The following FAT3 variants were observed in gnomAD, a reference collection of about 807,000 sequenced individuals.
FAT3 encodes the protein protocadherin Fat 3.
FAT3 carries 95 observed loss-of-function variants against 310.2 expected under a neutral mutation model. The observed-to-expected ratio is 0.31, with a 90% CI of 0.26 to 0.36. The LOEUF is 0.36. FAT3 is among the 10% of genes least tolerant of loss of function. FAT3 has a pLI of 1.00. For synonymous variants in FAT3, 2,314 were observed against 2,192.9 expected, an observed-to-expected ratio of 1.06 and a Z score of -1.54; for missense variants, 5,408 against 5,715.6, an observed-to-expected ratio of 0.95 and a Z score of 1.74.
At chr11:92,255,685 G>A (rs969671011) in intron 1 of FAT3, among the ~76,000 whole-genome samples, 1 of 151,990 alleles carries the variant, frequency 6.6e-6, no homozygotes. Context: ...TCTGTGCCTC[G>A]GTGTCCTCTG....
At chr11:92,546,193 G>T (rs539386092) in intron 3 of FAT3, among the ~76,000 whole-genome samples, 4 of 152,164 alleles carry the variant, frequency 2.6e-5, no homozygotes, top group South Asian at 2.1e-4. Flanking sequence ...AAACTGTAGG[G>T]GTGGTGATAA....
chr11:92,531,030 G>A (rs1954050936), intron 3 of FAT3, among the ~76,000 whole-genome samples: 1 of 152,100 alleles, frequency 6.6e-6, no homozygotes, highest in African/African-American at 2.4e-5. Flanking sequence ...CTAATAAAAA[G>A]CTAAATTCTC....
intron 3 of FAT3, among the ~76,000 whole-genome samples, chr11:92,582,870 C>T (rs2135536878): frequency 6.6e-6 from 1 of 152,148 alleles, no homozygotes; most frequent in African/African-American, 2.4e-5. Context: ...GGATGGAACT[C>T]TTTTGAGCAC....
intron 4 of FAT3, among the ~76,000 whole-genome samples, chr11:92,724,276 A>G (rs2135981543): frequency 6.6e-6 from 1 of 152,246 alleles, no homozygotes; most frequent in East Asian, 1.9e-4. Context: ...CTCATCCTTT[A>G]GGTTGGCCAC....
Position 92,249,097 on chromosome 11 carries a change from GT to G in FAT3, c.-18+23925del, listed in dbSNP as rs200210142. Reference sequence around the variant, plus strand: ...ATAACATTTAAGGGTAAATTTTAAGGTTGGGGTGGCCATTTTAAAACACTTA... The same window carrying G: ...ATAACATTTAAGGGTAAATTTTAAGGTGGGGTGGCCATTTTAAAACACTTA... On this transcript the variant is annotated intron_variant, in intron 1 of 27. Coordinates refer to ENST00000525166, the MANE Select transcript of FAT3 (RefSeq NM_001367949.2). Among the ~76,000 whole-genome samples, 386 of 151,448 alleles carry G rather than the reference GT, an allele frequency of 2.5e-3. 1 individual carries two copies. The highest frequency in any genetic ancestry group is 9.2e-3 in the African/African-American group (375 of 40,824).
At chr11:92,727,139 A>T (rs1945025606) in intron 4 of FAT3, among the ~76,000 whole-genome samples, 1 of 152,216 alleles carries the variant, frequency 6.6e-6, no homozygotes, top group African/African-American at 2.4e-5. Flanking sequence ...AATTTAGCAC[A>T]TTGATTTTTG....
rs764864942 is a variant in FAT3 at position 92,698,790 on chromosome 11, T to G, written c.3669+1345T>G. Among the ~76,000 whole-genome samples, 4 of 152,300 alleles carry G rather than the reference T, an allele frequency of 2.6e-5. No individual in the cohort carries two copies. The East Asian group carries it at 7.7e-4, about 29-fold the overall frequency. Reference sequence around the variant, plus strand: ...TTTGCCAGAAAAATAAGACCTTATATTATATTCATGGGCTTCTTTCCTTTC... The same window carrying G: ...TTTGCCAGAAAAATAAGACCTTATAGTATATTCATGGGCTTCTTTCCTTTC... On this transcript the variant is annotated intron_variant, in intron 4 of 27. Transcript: ENST00000525166.
chr11:92,781,814 A>G (rs552204765), intron 7 of FAT3, among the ~76,000 whole-genome samples: 20 of 134,602 alleles, frequency 1.5e-4, no homozygotes, highest in African/African-American at 4.9e-4. Context: ...GATATGCTAG[A>G]CACATACAGA....
chr11:92,484,603 A>T (rs151056043), intron 2 of FAT3, among the ~76,000 whole-genome samples: 1 of 152,338 alleles, frequency 6.6e-6, no homozygotes, highest in Non-Finnish European at 1.5e-5. Context: ...ATGGAAGATG[A>T]TAATGACGAT....
chr11:92,273,569 A>T (rs987214780), intron 1 of FAT3, among the ~76,000 whole-genome samples: 2 of 152,246 alleles, frequency 1.3e-5, no homozygotes, highest in Non-Finnish European at 2.9e-5. Flanking sequence ...CATACACTTT[A>T]TCAAAATAAT....
At chr11:92,569,474 A>C (rs988322923) in intron 3 of FAT3, among the ~76,000 whole-genome samples, 1 of 152,122 alleles carries the variant, frequency 6.6e-6, no homozygotes, top group African/African-American at 2.4e-5. Flanking sequence ...GGACAGAGGG[A>C]AGGAATGTTA....
intron 2 of FAT3, among the ~76,000 whole-genome samples, chr11:92,460,153 C>T (rs1406678221): frequency 3.3e-5 from 5 of 152,034 alleles, no homozygotes; most frequent in Non-Finnish European, 7.4e-5. Context: ...AAAGCGAGTT[C>T]TGGGAAATGG....
chr11:92,353,433 G>A lies in FAT3; in HGVS notation c.1321G>A (p.Glu441Lys). The A allele has an allele frequency of 3.7e-6, 6 of 1,613,582 alleles. No individual in the cohort carries two copies. Among genetic ancestry groups the A allele is most frequent in the Non-Finnish European group, 5.1e-6 (6 of 1,179,792 alleles). The change falls in exon 2 of 28, where the codon GAG becomes AAG. Residue 441 changes from glutamate (E) to lysine (K), a missense_variant. By Grantham distance (56) the Glu-to-Lys change is moderately conservative. This residue lies in a region of FAT3 where 4,588 missense variants were observed against 4,809.8 expected (regional missense o/e 0.95). Transcript: ENST00000525166. The stretch of plus-strand genomic sequence containing the variant: ...ACGGCCACTGAATACTGTTAAGAAG[G>A]AGGTTTATAAACTGGAGGTGACAAA... ...TARPLNTVKK[E>K]VYKLEVTNKE...
intron 12 of FAT3, among the ~76,000 whole-genome samples, chr11:92,807,384 A>C (rs1304912044): frequency 6.6e-6 from 1 of 152,174 alleles, no homozygotes; most frequent in Non-Finnish European, 1.5e-5. Flanking sequence ...GGCTCTAAGA[A>C]ATTGTAGGGA....
At chr11:92,565,328 C>A (rs1955389919) in intron 3 of FAT3, among the ~76,000 whole-genome samples, 1 of 147,028 alleles carries the variant, frequency 6.8e-6, no homozygotes, top group East Asian at 2.1e-4. Flanking sequence ...TCTCCCAAGA[C>A]TAAACCAGGA....
intron 2 of FAT3, among the ~76,000 whole-genome samples, chr11:92,370,707 T>C (rs1949162941): frequency 1.3e-5 from 2 of 152,182 alleles, no homozygotes; most frequent in Non-Finnish European, 2.9e-5. Flanking sequence ...TCCTAGAAGG[T>C]AAACCATCAG....
At chr11:92,464,851 G>C (rs948353298) in intron 2 of FAT3, among the ~76,000 whole-genome samples, 1 of 152,082 alleles carries the variant, frequency 6.6e-6, no homozygotes, top group Non-Finnish European at 1.5e-5. Context: ...AAATAAAAAC[G>C]TTCTGGGACC....
chr11:92,471,915 C>CCATATATA (rs1491237983), intron 2 of FAT3, among the ~76,000 whole-genome samples: 7 of 124,940 alleles, frequency 5.6e-5, no homozygotes, highest in East Asian at 2.5e-4. Flanking sequence ...TTTTCATATG[C>CCATATATA]TATATATATA....
intron 3 of FAT3, among the ~76,000 whole-genome samples, chr11:92,605,543 G>T (rs1262583220): frequency 6.6e-6 from 1 of 152,068 alleles, no homozygotes; most frequent in African/African-American, 2.4e-5. Context: ...AAAACAAGGG[G>T]CTTCCATAAG....
Sources: gnomAD v4.1 joint callset for allele counts (sites outside exome capture counted in the v4.1 genomes callset) on GRCh38, gnomAD v4.1.1 for gene constraint, gnomAD v4.1.1 regional missense constraint, MANE v1.5 for transcripts, NCBI Gene and HGNC (gene_info 2026-07-23, HGNC 2026-07-21) for gene names.